Variants in SUPT16H observed in about 807,000 individuals in gnomAD.
SUPT16H encodes SPT16 homolog, facilitates chromatin remodeling subunit.
SUPT16H carries 24 observed loss-of-function variants against 136.2 expected under a neutral mutation model. The observed-to-expected ratio is 0.18, with a 90% confidence interval of 0.13 to 0.25. The LOEUF is 0.25. Ranked by LOEUF, SUPT16H falls within the 10% of genes least tolerant of loss-of-function variation. The pLI is 1.00. For synonymous variants in SUPT16H, 415 were observed against 428.2 expected (o/e 0.97, Z 0.38); for missense variants, 623 against 1,270.2 (o/e 0.49, Z 7.74).
intron 10 of SUPT16H, among the ~76,000 whole-genome samples, chr14:21,364,321 G>A (rs1157302652): frequency 6.6e-6 from 1 of 152,014 alleles, no homozygotes; most frequent in Non-Finnish European, 1.5e-5. Context: ...TCCTTAGAGA[G>A]AACGCAGTTT....
intron 1 of SUPT16H, among the ~76,000 whole-genome samples, chr14:21,374,102 G>A (rs1886848574): frequency 6.6e-6 from 1 of 152,202 alleles, no homozygotes; most frequent in Admixed American, 6.5e-5. Flanking sequence ...AATCTTTCAA[G>A]GAGTCATAAT....
At chr14:21,382,143 C>T (rs974562159) in intron 1 of SUPT16H, among the ~76,000 whole-genome samples, 4 of 152,198 alleles carry the variant, frequency 2.6e-5, no homozygotes, top group African/African-American at 7.2e-5. Context: ...CAGGTGGGTT[C>T]TGGACACATT....
rs746945910 is a variant in SUPT16H at position 21,354,577 on chromosome 14, C to A, written c.2661-37G>T. On this transcript the variant is annotated intron_variant, in intron 22 of 25. Transcript: ENST00000216297. ...GACATGACAAAGTCAAATCAATCTT[C>A]TGTATTTTCCATATATTCTTTCTTC... The A allele has an allele frequency of 1.9e-6, 3 of 1,607,590 alleles. No individual in the cohort carries two copies. In the Admixed American group the frequency reaches 5.1e-5, roughly 27 times the overall value.
chr14:21,372,944 T>A (rs1414004489), intron 2 of SUPT16H, among the ~76,000 whole-genome samples: 2 of 152,068 alleles, frequency 1.3e-5, no homozygotes, highest in Non-Finnish European at 2.9e-5. Flanking sequence ...ACTGAGAAAT[T>A]GAAATTTTTT....
rs527300015 is a variant in SUPT16H at position 21,370,163 on chromosome 14, A to G, written c.483+173T>C. On this transcript the variant is annotated intron_variant, in intron 4 of 25. Coordinates refer to ENST00000216297, the MANE Select transcript of SUPT16H (RefSeq NM_007192.4). ...CTAGACGTTTTTTGTAAAGGCAGAT[A>G]GAAGAAAGGCAGGGAAAAAAAATAA... Among the ~76,000 whole-genome samples, 14 of 152,332 alleles carry G rather than the reference A, an allele frequency of 9.2e-5. No homozygotes were observed. The South Asian group carries it at 2.5e-3, about 27-fold the overall frequency.
chr14:21,372,070 C>G (rs371197315), intron 2 of SUPT16H, 26 bp from the exon 3 acceptor site: 5 of 1,593,250 alleles, frequency 3.1e-6, no homozygotes, highest in Non-Finnish European at 3.4e-6. Flanking sequence ...ACAGTGACAA[C>G]GGTATTTACA....
chr14:21,361,236 A>C (rs1464553057), intron 15 of SUPT16H, 23 bp from the exon 16 acceptor site: 1 of 1,610,400 alleles, frequency 6.2e-7, no homozygotes, highest in African/African-American at 1.3e-5. Flanking sequence ...AACAGCATTT[A>C]TAGACATTTC....
rs571336497 is a variant in SUPT16H, at chr14:21,372,220, A to G, written c.160-176T>C. The stretch of plus-strand genomic sequence containing the variant: ...TAAGCAAGATCGGCCAAGAGTCGAC[A>G]ATTTATTAGAACAGGACAATGGGGT... On this transcript the variant is annotated intron_variant, in intron 2 of 25. Coordinates refer to ENST00000216297, the MANE Select transcript of SUPT16H (RefSeq NM_007192.4). 219 of 616,720 alleles carry G rather than the reference A, an allele frequency of 3.6e-4. 5 individuals carry two copies. In the South Asian group the frequency reaches 4.9e-3, roughly 14 times the overall value. The allele number at this position is 616,720 out of a possible 1,614,324, so 38.2% of individuals were successfully genotyped here.
Position 21,363,462 on chromosome 14 carries a change from C to T in SUPT16H, c.1275G>A (p.Val425=). ...ATVLTSVKKK[V]KNVGIFLKNE... ...CCTTTAGGAAAATCCCCACATTCTT[C>T]ACTTTCTTCTTCACAGAAGTGAGAA... The change falls in exon 11 of 26, where the codon GTG becomes GTA. Residue 425 remains valine (V), a synonymous_variant. Transcript: ENST00000216297. 3 of 1,613,916 alleles carry T rather than the reference C, an allele frequency of 1.9e-6. No individual in the cohort carries two copies. Among genetic ancestry groups the T allele is most frequent in the Non-Finnish European group, 2.5e-6 (3 of 1,179,940 alleles).
chr14:21,359,826 T>C (rs950449179), intron 18 of SUPT16H, among the ~76,000 whole-genome samples: 3 of 152,202 alleles, frequency 2.0e-5, no homozygotes, highest in African/African-American at 7.2e-5. Context: ...GGAAATCATG[T>C]TGGTAACAAA....
chr14:21,362,096 C>T, intron 15 of SUPT16H, 101 bp downstream of exon 15: 1 of 1,419,282 alleles, frequency 7.0e-7, no homozygotes, highest in Non-Finnish European at 9.4e-7. Context: ...AAGGCTTTGA[C>T]ATTTACTAGG....
intron 1 of SUPT16H, among the ~76,000 whole-genome samples, chr14:21,381,642 G>A (rs558642687): frequency 2.8e-4 from 42 of 151,702 alleles, no homozygotes; most frequent in African/African-American, 1.0e-3. Flanking sequence ...TTTAAAGACG[G>A]GGTCTCATCC....
intron 18 of SUPT16H, 26 bp from the exon 19 acceptor site, chr14:21,359,635 C>A: frequency 1.2e-6 from 2 of 1,608,680 alleles, no homozygotes; most frequent in Non-Finnish European, 1.7e-6. Flanking sequence ...AGAAAGAACA[C>A]AGAAGTCAGA....
chr14:21,361,420 C>G (rs1886554267), intron 15 of SUPT16H: 4 of 598,340 alleles, frequency 6.7e-6, no homozygotes, highest in Non-Finnish European at 1.2e-5. Context: ...GGGTTCAAGC[C>G]ATCCTCCCAC....
At chr14:21,359,367 A>G in intron 19 of SUPT16H, 117 bp downstream of exon 19, 4 of 1,440,346 alleles carry the variant, frequency 2.8e-6, no homozygotes, top group Non-Finnish European at 3.7e-6. Flanking sequence ...AAGTGCTGGG[A>G]TTACAGGCGC....
At chr14:21,362,755 AAC>A (rs1223043202) in intron 14 of SUPT16H, 37 bp downstream of exon 14, 7 of 1,558,330 alleles carry the variant, frequency 4.5e-6, no homozygotes, top group Non-Finnish European at 4.3e-6. Context: ...TATTTTAAGC[AAC>A]AGTTTGGATG....
intron 22 of SUPT16H, among the ~76,000 whole-genome samples, chr14:21,356,356 C>T (rs1168732071): frequency 6.6e-6 from 1 of 152,158 alleles, no homozygotes; most frequent in Non-Finnish European, 1.5e-5. Flanking sequence ...GATTTATTTC[C>T]ACCACCTTTC....
At position 21,369,908 on chromosome 14, in the gene SUPT16H, G is replaced by A. The variant is rs780498618; in HGVS notation, c.484-12C>T. 4.3e-6 allele frequency: 7 copies of A among 1,611,540 alleles called. No individual in the cohort carries two copies. The African/African-American group carries it at 9.3e-5, about 22-fold the overall frequency. On this transcript the variant is annotated splice_polypyrimidine_tract_variant and intron_variant, in intron 4 of 25. Coordinates refer to ENST00000216297, the MANE Select transcript of SUPT16H (RefSeq NM_007192.4). ...GCACTGATATCTATCTGCAGTCAAAGTGACAAGAGTTTCTAACATGCAAGT... is the reference window on the plus strand; with the variant it reads ...GCACTGATATCTATCTGCAGTCAAAATGACAAGAGTTTCTAACATGCAAGT...
intron 7 of SUPT16H, 89 bp downstream of exon 7, chr14:21,368,180 G>T: frequency 7.2e-7 from 1 of 1,379,914 alleles, no homozygotes; most frequent in Non-Finnish European, 9.9e-7. Context: ...CGGCCTCCCA[G>T]TGTAGGGATT....
Sources: gnomAD v4.1 joint callset for allele counts (sites outside exome capture counted in the v4.1 genomes callset) on GRCh38, gnomAD v4.1.1 for gene constraint, MANE v1.5 for transcripts, NCBI Gene and HGNC (gene_info 2026-07-23, HGNC 2026-07-21) for gene names.